The following C16orf74 variants were observed in gnomAD, a reference collection of about 807,000 sequenced individuals.
C16orf74 encodes calcimembrin.
In C16orf74, 10 loss-of-function variants were observed where a neutral mutation model predicts 6.5. The ratio of observed to expected loss-of-function variants is 1.54; its 90% CI spans 0.95 to 2.61. C16orf74 has a LOEUF of 2.61. Ranked by LOEUF, C16orf74 falls within the 30% of genes most tolerant of loss-of-function variation. The probability of loss-of-function intolerance (pLI) is 0.00; values close to 1 mark genes in which losing one functional copy is unlikely to be tolerated. For synonymous variants in C16orf74, 60 were observed against 42.5 expected (o/e 1.41, Z -1.60); for missense variants, 141 against 105.9 (o/e 1.33, Z -1.45).
Position 85,707,780 on chromosome 16 carries a change from G to A in C16orf74, c.*228C>T. On this transcript the variant is annotated 3_prime_UTR_variant, in exon 4 of 4. Coordinates refer to ENST00000284245, the MANE Select transcript of C16orf74 (RefSeq NM_206967.3). ...ACCAGGCCGGAGTCAGCAAGAACCT[G>A]GAGGTGTCAGAGGTCCGGTCCACTC... 2 of 557,196 alleles carry A rather than the reference G, an allele frequency of 3.6e-6. No individual in the cohort carries two copies. The highest frequency in any genetic ancestry group is 6.3e-5 in the East Asian group (2 of 31,578). The allele number at this position is 557,196 out of a possible 1,614,324, so 34.5% of individuals were successfully genotyped here.
At chr16:85,728,141 C>G (rs1317168834) in intron 2 of C16orf74, among the ~76,000 whole-genome samples, 1 of 151,894 alleles carries the variant, frequency 6.6e-6, no homozygotes, top group Non-Finnish European at 1.5e-5. Context: ...GAGATCCTGT[C>G]TCAAAAATAT....
At chr16:85,725,290 G>T (rs1227842407) in intron 2 of C16orf74, among the ~76,000 whole-genome samples, 1 of 151,722 alleles carries the variant, frequency 6.6e-6, no homozygotes, top group East Asian at 2.0e-4. Context: ...AAGAGCCCTG[G>T]AATTGAGCCT....
At chr16:85,748,925 A>ATTTTTTTT (rs748594620) in intron 1 of C16orf74, among the ~76,000 whole-genome samples, 2 of 72,416 alleles carry the variant, frequency 2.8e-5, no homozygotes, top group African/African-American at 5.1e-5. Context: ...GGAGGCTTTG[A>ATTTTTTTT]TTTTTTTTTT....
intron 1 of C16orf74, among the ~76,000 whole-genome samples, chr16:85,740,194 A>G (rs1352149942): frequency 1.3e-5 from 2 of 148,250 alleles, no homozygotes; most frequent in East Asian, 4.0e-4. Context: ...CTGGGCGACA[A>G]GAACGAGACT....
At chr16:85,711,023 T>G (rs549625857) in intron 2 of C16orf74, among the ~76,000 whole-genome samples, 64 of 152,280 alleles carry the variant, frequency 4.2e-4, no homozygotes, top group Non-Finnish European at 3.2e-4. Context: ...GCTTTAAATT[T>G]CAAATGCCAG....
chr16:85,750,765 G>A (rs1177108197), intron 1 of C16orf74, among the ~76,000 whole-genome samples, 161 bp downstream of exon 1: 1 of 152,150 alleles, frequency 6.6e-6, no homozygotes, highest in Non-Finnish European at 1.5e-5. Context: ...GAAGTTGGGG[G>A]GACGCCCGGG....
intron 2 of C16orf74, among the ~76,000 whole-genome samples, chr16:85,723,077 G>A (rs2054098299): frequency 6.6e-6 from 1 of 151,740 alleles, no homozygotes; most frequent in South Asian, 2.1e-4. Flanking sequence ...TGGCAAACAT[G>A]ATGAAACCCT....
intron 1 of C16orf74, chr16:85,743,500 T>G (rs1278021847): frequency 2.0e-5 from 3 of 152,200 alleles, no homozygotes; most frequent in Admixed American, 1.3e-4. Context: ...AAGCTACAGC[T>G]CTGGGCTGCC....
At chr16:85,738,232 G>T (rs112118283) in intron 1 of C16orf74, among the ~76,000 whole-genome samples, 12,887 of 151,796 alleles carry the variant, frequency 0.085, 1,025 homozygotes, top group African/African-American at 0.18. Flanking sequence ...GTGACAGCAA[G>T]AGCCTGTCTC....
intron 2 of C16orf74, among the ~76,000 whole-genome samples, chr16:85,727,258 G>A (rs896149063): frequency 9.2e-5 from 14 of 152,192 alleles, no homozygotes; most frequent in African/African-American, 3.1e-4. Flanking sequence ...GTTGACCAGG[G>A]GCTAGACGCA....
At chr16:85,711,391 G>A (rs2053968302) in intron 2 of C16orf74, among the ~76,000 whole-genome samples, 1 of 149,652 alleles carries the variant, frequency 6.7e-6, no homozygotes, top group East Asian at 2.0e-4. Flanking sequence ...GAAGTGGGCA[G>A]ATCACCTAAG....
At chr16:85,709,215 G>A (rs986725657) in intron 3 of C16orf74, among the ~76,000 whole-genome samples, 4 of 152,204 alleles carry the variant, frequency 2.6e-5, no homozygotes, top group Non-Finnish European at 5.9e-5. Context: ...TTAGCTGGGC[G>A]TGGTGGCAGG....
At chr16:85,718,944 G>C (rs1356805001) in intron 2 of C16orf74, among the ~76,000 whole-genome samples, 1 of 152,256 alleles carries the variant, frequency 6.6e-6, no homozygotes, top group Admixed American at 6.5e-5. Context: ...CAGCTGGAGT[G>C]GGTGCTACAC....
At chr16:85,731,064 T>C (rs1400643700) in intron 2 of C16orf74, among the ~76,000 whole-genome samples, 1 of 152,244 alleles carries the variant, frequency 6.6e-6, no homozygotes. Flanking sequence ...CTGGATGGTG[T>C]GGCTCTAGAT....
intron 1 of C16orf74, among the ~76,000 whole-genome samples, chr16:85,745,327 G>A (rs943998319): frequency 6.6e-6 from 1 of 151,994 alleles, no homozygotes; most frequent in Non-Finnish European, 1.5e-5. Flanking sequence ...CTTCTCTAAG[G>A]CCAAGAGCAT....
Position 85,735,295 on chromosome 16 carries a change from T to C in C16orf74, c.-18-60A>G, listed in dbSNP as rs1376202140. On this transcript the variant is annotated intron_variant, in intron 1 of 3. Transcript: ENST00000284245. ...GCGCGACTTGTTTGTATTGGCCACG[T>C]GCAGCCGGGCCCCCACCCTTGGCCC... The C allele has an allele frequency of 4.6e-6, 6 of 1,301,886 alleles. No homozygotes were observed. In the African/African-American group the frequency reaches 9.1e-5, roughly 20 times the overall value. The allele number at this position is 1,301,886 out of a possible 1,614,324, so 80.6% of individuals were successfully genotyped here. A position where few individuals can be genotyped will look rare whatever the true frequency, so the allele number is the denominator to read the frequency against.
At chr16:85,714,972 C>T (rs1012107075) in intron 2 of C16orf74, among the ~76,000 whole-genome samples, 2 of 150,776 alleles carry the variant, frequency 1.3e-5, no homozygotes, top group Non-Finnish European at 3.0e-5. Flanking sequence ...CTGGCTAACA[C>T]AATGAAACCC....
chr16:85,739,265 G>A (rs557609141), intron 1 of C16orf74, among the ~76,000 whole-genome samples: 7 of 152,176 alleles, frequency 4.6e-5, no homozygotes, highest in Non-Finnish European at 7.3e-5. Context: ...AGCCAGACTC[G>A]ACATCCCAAC....
intron 2 of C16orf74, among the ~76,000 whole-genome samples, chr16:85,716,257 AGGAGGAAAGGAGGAGAGAAC>A (rs2152058773): frequency 6.8e-6 from 1 of 146,960 alleles, no homozygotes; most frequent in South Asian, 2.3e-4. Context: ...TTGGAGGGAG[AGGAGGAAAGGAGGAGAGAAC>A]GGAGGGAAGG....
Sources: gnomAD v4.1 joint callset for allele counts (sites outside exome capture counted in the v4.1 genomes callset) on GRCh38, gnomAD v4.1.1 for gene constraint, MANE v1.5 for transcripts, NCBI Gene and HGNC (gene_info 2026-07-23, HGNC 2026-07-21) for gene names.